The following HECTD4 variants were observed in gnomAD, a reference collection of about 807,000 sequenced individuals.
HECTD4 encodes the protein probable E3 ubiquitin-protein ligase HECTD4.
A neutral mutation model predicts 471.5 loss-of-function variants in HECTD4; 114 were observed. The observed-to-expected ratio is 0.24, with a 90% CI of 0.21 to 0.28. The LOEUF is 0.28. Ranked by LOEUF, HECTD4 falls within the 10% of genes least tolerant of loss-of-function variation. The pLI, the probability that HECTD4 is intolerant of heterozygous loss-of-function variation, is 1.00. For missense variants in HECTD4, 3,866 were observed against 5,651.5 expected, an observed-to-expected ratio of 0.68 and a Z score of 10.13; for synonymous variants, 2,012 against 2,256.0, an observed-to-expected ratio of 0.89 and a Z score of 3.07.
In HECTD4 at chr12:112,208,523, C is replaced by G; in HGVS notation, c.7975G>C (p.Asp2659His). ...HPPPIADDES[D>H]DDDDDDIPQE... ...GGGATGTCATCATCGTCATCATCAT[C>G]GCTTTCATCATCTGCAATGGGAGGC... The change falls in exon 51 of 76, where the codon GAT (aspartate) becomes CAT (histidine). Residue 2659 changes from aspartate (D) to histidine (H), a missense_variant. By Grantham distance (81) the Asp-to-His change is moderately conservative (BLOSUM62 -1). Around this residue, in one of 16 missense-constraint regions of HECTD4, gnomAD observed 266 missense variants for 441.6 expected, o/e 0.60. Transcript: ENST00000682272. 6.2e-7 allele frequency: 1 copy of G among 1,602,190 alleles called. No individual in the cohort carries two copies. Among genetic ancestry groups the G allele is most frequent in the East Asian group, 2.2e-5 (1 of 44,476 alleles).
intron 1 of HECTD4, among the ~76,000 whole-genome samples, chr12:112,325,108 A>T (rs1180407930): frequency 6.6e-6 from 1 of 152,216 alleles, no homozygotes; most frequent in Admixed American, 6.5e-5. Context: ...AATGATGTGT[A>T]TGACAAAATC....
chr12:112,190,689 T>A, intron 60 of HECTD4, 97 bp downstream of exon 60: 2 of 1,126,292 alleles, frequency 1.8e-6, no homozygotes, highest in Non-Finnish European at 2.5e-6. Flanking sequence ...GGGCTACCTG[T>A]GGCCACTCCC....
chr12:112,255,663 A>G (rs1274178544), intron 21 of HECTD4, among the ~76,000 whole-genome samples: 1 of 152,210 alleles, frequency 6.6e-6, no homozygotes, highest in Non-Finnish European at 1.5e-5. Context: ...GCACGAAGCT[A>G]TTAGATAATC....
chr12:112,366,292 G>A (rs1399110916), intron 1 of HECTD4, among the ~76,000 whole-genome samples: 1 of 152,004 alleles, frequency 6.6e-6, no homozygotes, highest in African/African-American at 2.4e-5. Flanking sequence ...TAGACAACTT[G>A]AGCTCAGGAG....
chr12:112,343,098 A>G (rs1256753148), intron 1 of HECTD4, among the ~76,000 whole-genome samples: 2 of 152,264 alleles, frequency 1.3e-5, no homozygotes. Context: ...AAGCTACAGC[A>G]AAATCACCTC....
At chr12:112,187,066 G>A (rs561448125) in intron 60 of HECTD4, among the ~76,000 whole-genome samples, 43 of 151,996 alleles carry the variant, frequency 2.8e-4, no homozygotes, top group Non-Finnish European at 4.9e-4. Flanking sequence ...CGCAACCTCC[G>A]CCTCCCAGGT....
intron 45 of HECTD4, among the ~76,000 whole-genome samples, chr12:112,218,803 C>T (rs2135552371): frequency 6.6e-6 from 1 of 152,080 alleles, no homozygotes; most frequent in East Asian, 1.9e-4. Flanking sequence ...GGCACAATCT[C>T]AGCTTACTGC....
chr12:112,293,227 G>A (rs940473442), intron 7 of HECTD4, among the ~76,000 whole-genome samples: 36 of 150,874 alleles, frequency 2.4e-4, no homozygotes, highest in African/African-American at 8.5e-4. Context: ...TTAGCTGGGT[G>A]TGGTGGTGGT....
intron 18 of HECTD4, among the ~76,000 whole-genome samples, chr12:112,260,067 C>A: frequency 6.6e-6 from 1 of 152,118 alleles, no homozygotes; most frequent in East Asian, 1.9e-4. Context: ...ATCTCCACAA[C>A]TCTTTTTGTG....
chr12:112,170,318 C>G lies in HECTD4; in HGVS notation c.12052+15G>C. On this transcript the variant is annotated intron_variant, in intron 69 of 75. Coordinates refer to ENST00000682272, the MANE Select transcript of HECTD4 (RefSeq NM_001388303.1). ...CTGCCATTTTGCATTTTTTGCTCTC[C>G]GCAGCCAACCCCACCTCCCACAATT... 6.2e-7 allele frequency: 1 copy of G among 1,613,310 alleles called. No individual in the cohort carries two copies. The highest frequency in any genetic ancestry group is 8.5e-7 in the Non-Finnish European group (1 of 1,179,704).
At chr12:112,309,097 G>C (rs969011155) in intron 5 of HECTD4, among the ~76,000 whole-genome samples, 2 of 152,190 alleles carry the variant, frequency 1.3e-5, no homozygotes, top group African/African-American at 4.8e-5. Flanking sequence ...ACTTAGAGGG[G>C]AGAAAAATTT....
intron 67 of HECTD4, 187 bp from the exon 68 acceptor site, chr12:112,171,450 G>A (rs894440557): frequency 9.8e-6 from 9 of 917,116 alleles, no homozygotes; most frequent in Non-Finnish European, 1.4e-5. Context: ...AGACACAAAG[G>A]GCGAGGGCCT....
At chr12:112,246,356 G>T (rs1484290932) in intron 29 of HECTD4, among the ~76,000 whole-genome samples, 1 of 151,988 alleles carries the variant, frequency 6.6e-6, no homozygotes, top group African/African-American at 2.4e-5. Context: ...AAACAAAAAC[G>T]GGCGCAGTGG....
chr12:112,178,736 G>GATAC (rs2031554339), intron 64 of HECTD4, among the ~76,000 whole-genome samples, 195 bp downstream of exon 64: 1 of 152,250 alleles, frequency 6.6e-6, no homozygotes, highest in African/African-American at 2.4e-5. Context: ...GGAGGCTGAG[G>GATAC]TGGGAGGATC....
chr12:112,246,829 TGTCTTATATGAACA>T, intron 29 of HECTD4, 58 bp downstream of exon 29: 1 of 1,342,194 alleles, frequency 7.5e-7, no homozygotes, highest in Non-Finnish European at 1.0e-6. Context: ...TATAGCTGTG[TGTCTTATATGAACA>T]GAGTATATTC....
At chr12:112,366,280 G>T (rs1455315078) in intron 1 of HECTD4, among the ~76,000 whole-genome samples, 1 of 151,998 alleles carries the variant, frequency 6.6e-6, no homozygotes. Context: ...GGCCAAGGTG[G>T]GTAGACAACT....
At chr12:112,252,842 C>T (rs1229144200) in intron 22 of HECTD4, among the ~76,000 whole-genome samples, 1 of 150,272 alleles carries the variant, frequency 6.7e-6, no homozygotes, top group Non-Finnish European at 1.5e-5. Context: ...CAAGGTCTTA[C>T]TCTGTCACCC....
rs533124005 is a variant in HECTD4 at position 112,309,677 on chromosome 12, C to T, written c.917-8G>A. On this transcript the variant is annotated splice_region_variant and splice_polypyrimidine_tract_variant and intron_variant, in intron 4 of 75. Transcript: ENST00000682272. ...AGCGTCCCAAGTCAGCATCTGAAATCGTTTTTTCACAGGTAAATTATATAT... is the reference window on the plus strand; with the variant it reads ...AGCGTCCCAAGTCAGCATCTGAAATTGTTTTTTCACAGGTAAATTATATAT... The T allele has an allele frequency of 1.0e-5, 14 of 1,358,926 alleles. No individual in the cohort carries two copies. The highest frequency in any genetic ancestry group is 7.2e-5 in the African/African-American group (5 of 69,234). The allele number at this position is 1,358,926 out of a possible 1,614,324, so 84.2% of individuals were successfully genotyped here. A position where few individuals can be genotyped will look rare whatever the true frequency, so the allele number is the denominator to read the frequency against.
chr12:112,227,812 T>C (rs2033280623), intron 43 of HECTD4, among the ~76,000 whole-genome samples: 2 of 152,120 alleles, frequency 1.3e-5, no homozygotes, highest in South Asian at 4.1e-4. Flanking sequence ...AGCAAATCAG[T>C]GGAGCCTTAT....
Sources: gnomAD v4.1 joint callset for allele counts (sites outside exome capture counted in the v4.1 genomes callset) on GRCh38, gnomAD v4.1.1 for gene constraint, gnomAD v4.1.1 regional missense constraint, MANE v1.5 for transcripts, NCBI Gene and HGNC (gene_info 2026-07-23, HGNC 2026-07-21) for gene names.